AACS: variants seen among roughly 807,000 people sequenced by gnomAD.
AACS encodes acetoacetyl-CoA synthetase, also known as acetoacetate-CoA ligase.
AACS carries 69 observed loss-of-function variants against 83.1 expected under a neutral mutation model. That is an observed-to-expected ratio of 0.83 (90% CI 0.68 to 1.01). The LOEUF is 1.01. Among genes scored for constraint, AACS ranks in the 50% least tolerant of loss-of-function variants. AACS has a pLI of 0.00. For synonymous variants in AACS, 333 were observed against 343.4 expected (o/e 0.97, Z 0.33); for missense variants, 866 against 882.2 (o/e 0.98, Z 0.23).
intron 9 of AACS, among the ~76,000 whole-genome samples, chr12:125,117,117 A>T (rs1025089028): frequency 4.6e-5 from 7 of 150,850 alleles, no homozygotes; most frequent in African/African-American, 1.7e-4. Context: ...AATTAAAATA[A>T]TTTTTTTTTG....
rs768737640 is a variant in AACS at position 125,142,120 on chromosome 12, T to C, written c.1910T>C (p.Val637Ala). 2.5e-6 allele frequency: 4 copies of C among 1,614,044 alleles called. No individual in the cohort carries two copies. In the African/African-American group the frequency reaches 5.3e-5, roughly 22 times the overall value. The stretch of plus-strand genomic sequence containing the variant: ...ACGCTCAACGGCAAGAAAGTGGAAG[T>C]TGCCGTCAAACAGATCATCGCTGGA... Reference protein sequence around the residue: ...PYTLNGKKVEVAVKQIIAGKA... With the variant: ...PYTLNGKKVEAAVKQIIAGKA... The change falls in exon 18 of 18, where the codon GTT (valine) becomes GCT (alanine). Residue 637 changes from valine to alanine, a missense_variant. Physicochemically the swap from Val to Ala is moderately conservative, Grantham distance 64 (BLOSUM62 0). Coordinates refer to ENST00000316519, the MANE Select transcript of AACS (RefSeq NM_023928.5).
In AACS at chr12:125,102,757, C is replaced by T. The variant is rs866882086; in HGVS notation, c.649C>T (p.His217Tyr). 7.4e-6 allele frequency: 12 copies of T among 1,614,074 alleles called. No individual in the cohort carries two copies. The African/African-American group carries it at 9.3e-5, about 13-fold the overall frequency. Reference protein sequence around the residue: ...VEAVVYNGKEHNHMEKLQQVV... With the variant: ...VEAVVYNGKEYNHMEKLQQVV... The stretch of plus-strand genomic sequence containing the variant: ...GGCTGTTGTCTATAATGGCAAAGAG[C>T]ACAACCACATGGAAAAGCTGCAGCA... The change falls in exon 6 of 18, where the codon CAC (histidine) becomes TAC (tyrosine). Residue 217 changes from histidine (H) to tyrosine (Y), a missense_variant. Coordinates refer to ENST00000316519, the MANE Select transcript of AACS (RefSeq NM_023928.5).
chr12:125,090,148 C>T lies in AACS; in HGVS notation c.473-1278C>T, dbSNP rs769437391. Among the ~76,000 whole-genome samples the T allele has an allele frequency of 1.2e-3, 12 of 9,748 alleles. 1 individual carries two copies. Among genetic ancestry groups the T allele is most frequent in the South Asian group, 4.5e-3 (1 of 220 alleles). The allele number at this position is 9,748 out of a possible 152,430, so 6.4% of individuals were successfully genotyped here. On this transcript the variant is annotated intron_variant, in intron 4 of 17. Transcript: ENST00000316519. ...CCATTTATCATCCATCACCATCATC[C>T]ATCCATCTATCCATCCATCCTGTCT...
chr12:125,100,244 A>G (rs752344078), intron 5 of AACS, among the ~76,000 whole-genome samples: 11 of 152,330 alleles, frequency 7.2e-5, no homozygotes, highest in Non-Finnish European at 1.2e-4. Context: ...GCGAGCCACC[A>G]TGCCTGCTAA....
In AACS at chr12:125,107,192, C is replaced by T; in HGVS notation, c.839C>T (p.Pro280Leu). The T allele has an allele frequency of 6.2e-7, 1 of 1,614,126 alleles. No homozygotes were observed. The highest frequency in any genetic ancestry group is 8.5e-7 in the Non-Finnish European group (1 of 1,180,040). ...QAPQLEFEQL[P>L]FSHPLFIMFS... is the part of the protein sequence containing the mutation. ...CCGCAGCTGGAGTTCGAGCAGCTGC[C>T]CTTCAGCCACCCACTGTTCATCATG... Residue 280 changes from proline (P) to leucine (L), a missense_variant, in exon 8 of 18, where the codon CCC becomes CTC. Transcript: ENST00000316519.
Position 125,130,364 on chromosome 12 carries a change from C to T in AACS, c.1549+904C>T, listed in dbSNP as rs1226323031. Among the ~76,000 whole-genome samples, 2 of 152,276 alleles carry T rather than the reference C, an allele frequency of 1.3e-5. No individual in the cohort carries two copies. The highest frequency in any genetic ancestry group is 2.9e-5 in the Non-Finnish European group (2 of 68,050). ...CATACCTGCTGCACCTATGCCCCAC[C>T]TTGGCTCCTGCCGTGAGCAGCTGTG... On this transcript the variant is annotated intron_variant, in intron 14 of 17. Coordinates refer to ENST00000316519, the MANE Select transcript of AACS (RefSeq NM_023928.5). The surrounding 1 kb of genome is among the most constrained non-coding windows in gnomAD (Gnocchi z 4.9).
chr12:125,076,720 A>C lies in AACS; in HGVS notation c.358+109A>C, dbSNP rs188762368. ...TAGGATTTCTAAACCATATGTTGGC[A>C]CCTTTCTGATGTAATTAAGATTTCT... On this transcript the variant is annotated intron_variant, in intron 3 of 17. Transcript: ENST00000316519. The C allele has an allele frequency of 1.5e-5, 23 of 1,491,018 alleles. No homozygotes were observed. The African/African-American group carries it at 3.2e-4, about 21-fold the overall frequency. The allele number at this position is 1,491,018 out of a possible 1,614,324, so 92.4% of individuals were successfully genotyped here.
intron 10 of AACS, chr12:125,119,945 C>T (rs1043573511): frequency 1.3e-5 from 2 of 152,228 alleles, no homozygotes; most frequent in African/African-American, 4.8e-5. Flanking sequence ...GGCTGGCAGC[C>T]ACCTGTCTTC....
At chr12:125,089,713 C>T (rs1565931571) in intron 4 of AACS, among the ~76,000 whole-genome samples, 2 of 152,066 alleles carry the variant, frequency 1.3e-5, no homozygotes, top group African/African-American at 4.8e-5. Context: ...ATCCATCTGT[C>T]CATCCATCTA....
chr12:125,074,436 A>G (rs1038978225), intron 2 of AACS, among the ~76,000 whole-genome samples: 5 of 151,524 alleles, frequency 3.3e-5, no homozygotes, highest in Admixed American at 3.3e-4. Context: ...GGTCCCACCT[A>G]CTCAGGAGGC....
Position 125,136,808 on chromosome 12 carries a change from A to G in AACS, c.1825A>G (p.Met609Val), listed in dbSNP as rs1422000205. The change falls in exon 17 of 18, where the codon ATG (methionine) becomes GTG (valine). Residue 609 changes from methionine (M) to valine (V), a missense_variant. Physicochemically the swap from Met to Val is conservative, Grantham distance 21 (BLOSUM62 1). Coordinates refer to ENST00000316519, the MANE Select transcript of AACS (RefSeq NM_023928.5). Reference protein sequence around the residue: ...LVKRIRDAIRMGLSARHVPSL... With the variant: ...LVKRIRDAIRVGLSARHVPSL... ...TAAGAGGATCCGTGACGCCATCCGC[A>G]TGGGCTTGTCTGCGCGACACGTGCC... is the stretch of plus-strand genomic sequence containing the variant. 2.5e-6 allele frequency: 4 copies of G among 1,613,920 alleles called. No homozygotes were observed. Among genetic ancestry groups the G allele is most frequent in the Non-Finnish European group, 3.4e-6 (4 of 1,180,044 alleles).
rs1957277385 is a variant in AACS, at chr12:125,128,292, T to C, written c.1423+18T>C. 1 of 1,601,808 alleles carries C rather than the reference T, an allele frequency of 6.2e-7. No homozygotes were observed. On this transcript the variant is annotated intron_variant, in intron 13 of 17. Transcript: ENST00000316519. ...CGAGGAAGGTGATGGCTCCACCAACTGTTTCTTTCTGTGATTAGGCGTGAG... is the reference window on the plus strand; with the variant it reads ...CGAGGAAGGTGATGGCTCCACCAACCGTTTCTTTCTGTGATTAGGCGTGAG...
At chr12:125,137,362 A>G (rs545247282) in intron 17 of AACS, among the ~76,000 whole-genome samples, 2 of 152,242 alleles carry the variant, frequency 1.3e-5, no homozygotes, top group East Asian at 3.9e-4. Flanking sequence ...TTGTATTCTT[A>G]GTAAAGATGG....
At chr12:125,086,179 C>G (rs1168664566) in intron 3 of AACS, 151 bp from the exon 4 acceptor site, 1 of 641,642 alleles carries the variant, frequency 1.6e-6, no homozygotes, top group Non-Finnish European at 2.7e-6. Context: ...TTAAGTTGAC[C>G]TGTATCTTGC....
At position 125,140,937 on chromosome 12, in the gene AACS, T is replaced by TA. The variant is rs1224192036; in HGVS notation, c.1882-1151dup. On this transcript the variant is annotated intron_variant, in intron 17 of 17. Transcript: ENST00000316519. The surrounding 1 kb of genome is among the most constrained non-coding windows in gnomAD (Gnocchi z 5.1). ...TGGTCTTTATCATAGAATAACGTGATAAAATATATAGAGAAGTAAAAAAGT... is the reference window on the plus strand; with the variant it reads ...TGGTCTTTATCATAGAATAACGTGATAAAAATATATAGAGAAGTAAAAAAGT... 12 of 152,206 alleles carry TA rather than the reference T, an allele frequency of 7.9e-5. No individual in the cohort carries two copies. Among genetic ancestry groups the TA allele is most frequent in the African/African-American group, 2.9e-4 (12 of 41,442 alleles). 9.4% of individuals were successfully genotyped at this position (152,206 alleles called of 1,614,324 possible). A position where few individuals can be genotyped will look rare whatever the true frequency, so the allele number is the denominator to read the frequency against.
At chr12:125,124,391 T>G (rs1957208920) in intron 10 of AACS, 1 of 311,518 alleles carries the variant, frequency 3.2e-6, no homozygotes, top group Non-Finnish European at 5.9e-6. Flanking sequence ...TGGCCTCCTT[T>G]GGTCCCCCAA....
At chr12:125,139,003 C>G (rs1219593386) in intron 17 of AACS, 3 of 152,150 alleles carry the variant, frequency 2.0e-5, no homozygotes, top group African/African-American at 7.2e-5. Flanking sequence ...GCAGGTCTGA[C>G]CCTTCACATG....
At chr12:125,133,708 C>G (rs1957359394) in intron 14 of AACS, among the ~76,000 whole-genome samples, 1 of 152,234 alleles carries the variant, frequency 6.6e-6, no homozygotes, top group Non-Finnish European at 1.5e-5. Context: ...TCCTGTTGAC[C>G]CCCAGTGGCC....
In AACS at chr12:125,097,594, C is replaced by T. The variant is rs375036496; in HGVS notation, c.571-5085C>T. 2.0e-5 allele frequency among the ~76,000 whole-genome samples: 3 copies of T among 152,128 alleles called. No individual in the cohort carries two copies. Among genetic ancestry groups the T allele is most frequent in the East Asian group, 1.9e-4 (1 of 5,188 alleles). ...GCTTGGCTTGGTCTGCGCCTCCTCC[C>T]GTGCCTTCCGCAGTGGCCAAGGTGT... On this transcript the variant is annotated intron_variant, in intron 5 of 17. Transcript: ENST00000316519. The surrounding 1 kb of genome is among the most constrained non-coding windows in gnomAD (Gnocchi z 4.3).
Sources: gnomAD v4.1 joint callset for allele counts (sites outside exome capture counted in the v4.1 genomes callset) on GRCh38, gnomAD v4.1.1 for gene constraint, Gnocchi (gnomAD v3.1) non-coding constraint, MANE v1.5 for transcripts, NCBI Gene and HGNC (gene_info 2026-07-23, HGNC 2026-07-21) for gene names.